The following CIMIP5 variants were observed in gnomAD, a reference collection of about 807,000 sequenced individuals.
CIMIP5 encodes the protein ciliary microtubule inner protein 5, also known as uncharacterized protein C2orf50.
chr2:11,146,523 A>G, the CIMIP5 span: 3 of 152,222 alleles, frequency 2.0e-5, no homozygotes, highest in African/African-American at 4.8e-5. Context: ...AGAATAGATC[A>G]TCGGTGTTTC....
At chr2:11,133,373 A>T in the CIMIP5 span, 1 of 1,611,700 alleles carries the variant, frequency 6.2e-7, no homozygotes, top group Non-Finnish European at 8.5e-7. Flanking sequence ...AGAGAACCAC[A>T]TCAGCTGGGT....
At chr2:11,142,377 A>G in the CIMIP5 span, among the ~76,000 whole-genome samples, 3 of 151,918 alleles carry the variant, frequency 2.0e-5, no homozygotes, top group Non-Finnish European at 2.9e-5. Flanking sequence ...CAGGTTGAGG[A>G]AAGTTTTAAT....
the CIMIP5 span, among the ~76,000 whole-genome samples, chr2:11,143,015 T>G: frequency 1.3e-5 from 2 of 152,176 alleles, no homozygotes; most frequent in Non-Finnish European, 2.9e-5. Flanking sequence ...TCAGATTACA[T>G]TTAGTCATTC....
the CIMIP5 span, among the ~76,000 whole-genome samples, chr2:11,146,259 G>A: frequency 1.4e-4 from 21 of 152,282 alleles, no homozygotes; most frequent in African/African-American, 3.6e-4. Context: ...CAACTAAAGC[G>A]CAGAGAGGTT....
At chr2:11,138,352 C>A in the CIMIP5 span, among the ~76,000 whole-genome samples, 1 of 152,148 alleles carries the variant, frequency 6.6e-6, no homozygotes, top group Non-Finnish European at 1.5e-5. Context: ...TATTGCACTC[C>A]TTAGTTCACC....
the CIMIP5 span, chr2:11,140,373 TTAAAAAA>T: frequency 2.5e-6 from 1 of 394,824 alleles, no homozygotes; most frequent in African/African-American, 3.1e-5. Context: ...AGCCTCCGTC[TTAAAAAA>T]AAAAAAAAAA....
the CIMIP5 span, among the ~76,000 whole-genome samples, chr2:11,142,266 C>CACAA: frequency 5.9e-5 from 5 of 84,648 alleles, no homozygotes; most frequent in South Asian, 2.5e-3. Flanking sequence ...AATTCAGTCT[C>CACAA]AAAAAAAAAA....
At chr2:11,150,701 C>CA in the CIMIP5 span, among the ~76,000 whole-genome samples, 28 of 151,666 alleles carry the variant, frequency 1.8e-4, no homozygotes, top group Admixed American at 2.6e-4. Context: ...ATCTCAACTC[C>CA]AAAATCACTA....
the CIMIP5 span, among the ~76,000 whole-genome samples, chr2:11,135,023 CAGAG>C: frequency 9.9e-5 from 15 of 152,108 alleles, no homozygotes; most frequent in Admixed American, 2.6e-4. Context: ...GAGAGAGAGA[CAGAG>C]AGAGAGGAGG....
At chr2:11,135,005 AAGAGACAGAGAG>A in the CIMIP5 span, among the ~76,000 whole-genome samples, 10 of 152,178 alleles carry the variant, frequency 6.6e-5, no homozygotes, top group East Asian at 5.8e-4. Flanking sequence ...AAGAGGGACC[AAGAGACAGAGAG>A]AGAGACAGAG....
chr2:11,144,213 G>A, the CIMIP5 span: 1 of 993,298 alleles, frequency 1.0e-6, no homozygotes, highest in Non-Finnish European at 1.4e-6. Flanking sequence ...AGGCAGCTTG[G>A]GTCTGCACTG....
At chr2:11,154,205 T>C in the CIMIP5 span, among the ~76,000 whole-genome samples, 1 of 152,184 alleles carries the variant, frequency 6.6e-6, no homozygotes, top group African/African-American at 2.4e-5. Flanking sequence ...CTTGAACTCC[T>C]GGCCTCAAGC....
chr2:11,140,432 T>C, the CIMIP5 span: 2 of 1,007,912 alleles, frequency 2.0e-6, no homozygotes, highest in Non-Finnish European at 2.9e-6. Context: ...CATTGTTGCA[T>C]TGACTTGACA....
the CIMIP5 span, among the ~76,000 whole-genome samples, chr2:11,140,290 G>A: frequency 6.6e-6 from 1 of 151,260 alleles, no homozygotes; most frequent in Non-Finnish European, 1.5e-5. Context: ...CAGGAGAATG[G>A]CGTGAACCCG....
At chr2:11,133,513 G>A in the CIMIP5 span, 1 of 1,608,528 alleles carries the variant, frequency 6.2e-7, no homozygotes, top group Non-Finnish European at 8.5e-7. Context: ...GTGGCTCAGG[G>A]AGCTGCCTGC....
the CIMIP5 span, among the ~76,000 whole-genome samples, chr2:11,149,342 T>C: frequency 6.6e-6 from 1 of 151,280 alleles, no homozygotes; most frequent in African/African-American, 2.4e-5. Context: ...TAGAATATAA[T>C]CAGGAAGAAA....
chr2:11,134,312 C>T, the CIMIP5 span, among the ~76,000 whole-genome samples: 1 of 152,198 alleles, frequency 6.6e-6, no homozygotes, highest in Non-Finnish European at 1.5e-5. Context: ...GGGGCCACCC[C>T]AGCCCTTATA....
At chr2:11,144,051 C>T in the CIMIP5 span, 1 of 1,603,446 alleles carries the variant, frequency 6.2e-7, no homozygotes, top group Non-Finnish European at 8.5e-7. Context: ...TCCGCATGGA[C>T]TTCTTCTTCA....
the CIMIP5 span, among the ~76,000 whole-genome samples, chr2:11,133,934 T>C: frequency 6.6e-6 from 1 of 151,988 alleles, no homozygotes; most frequent in Non-Finnish European, 1.5e-5. Context: ...GAAAGGATGC[T>C]CCTTCATGCA....
Sources: gnomAD v4.1 joint callset for allele counts (sites outside exome capture counted in the v4.1 genomes callset) on GRCh38, gnomAD v4.1.1 for gene constraint, MANE v1.5 for transcripts, NCBI Gene and HGNC (gene_info 2026-07-23, HGNC 2026-07-21) for gene names.